KCTD8: variants seen among roughly 807,000 people sequenced by gnomAD.
The protein encoded by KCTD8 is BTB/POZ domain-containing protein KCTD8.
A neutral mutation model predicts 31.5 loss-of-function variants in KCTD8; 27 were observed. The ratio of observed to expected loss-of-function variants is 0.86; its 90% CI spans 0.63 to 1.18. The LOEUF (loss-of-function observed/expected upper bound fraction) is 1.18. Ranked by LOEUF, KCTD8 falls within the 50% of genes most tolerant of loss-of-function variation. KCTD8 has a pLI of 0.00. For synonymous variants in KCTD8, 290 were observed against 280.0 expected (o/e 1.04, Z -0.36); for missense variants, 658 against 647.7 (o/e 1.02, Z -0.17).
At chr4:44,346,756 A>G (rs1268691339) in intron 1 of KCTD8, among the ~76,000 whole-genome samples, 2 of 152,186 alleles carry the variant, frequency 1.3e-5, no homozygotes, top group African/African-American at 2.4e-5. Flanking sequence ...ACACTCATTT[A>G]TAGAGCTTGT....
intron 1 of KCTD8, among the ~76,000 whole-genome samples, chr4:44,186,982 A>G (rs1288945746): frequency 6.6e-6 from 1 of 152,180 alleles, no homozygotes; most frequent in Non-Finnish European, 1.5e-5. Flanking sequence ...AGTGTAACTC[A>G]GCTTGAGGAG....
At chr4:44,210,084 C>T (rs554446036) in intron 1 of KCTD8, among the ~76,000 whole-genome samples, 2 of 152,272 alleles carry the variant, frequency 1.3e-5, no homozygotes, top group South Asian at 2.1e-4. Flanking sequence ...TGAGATCTTC[C>T]TGTTTGAATG....
At chr4:44,271,519 C>T (rs1457558384) in intron 1 of KCTD8, among the ~76,000 whole-genome samples, 1 of 151,974 alleles carries the variant, frequency 6.6e-6, no homozygotes, top group South Asian at 2.1e-4. Flanking sequence ...CCAAAACTGG[C>T]CATAAACAAA....
chr4:44,254,909 A>C lies in KCTD8; in HGVS notation c.962-79659T>G, dbSNP rs1305800949. Among the ~76,000 whole-genome samples, 5 of 151,768 alleles carry C rather than the reference A, an allele frequency of 3.3e-5. No homozygotes were observed. The East Asian group carries it at 9.7e-4, about 30-fold the overall frequency. ...TATCTGGGCTTATTTTTGTGGGAAC[A>C]TTTTATTTATAATTTGGCTGAGGGA... On this transcript the variant is annotated intron_variant, in intron 1 of 1. Coordinates refer to ENST00000360029, the MANE Select transcript of KCTD8 (RefSeq NM_198353.3).
intron 1 of KCTD8, among the ~76,000 whole-genome samples, chr4:44,186,018 A>G (rs1713576332): frequency 6.6e-6 from 1 of 152,206 alleles, no homozygotes; most frequent in African/African-American, 2.4e-5. Context: ...AGGTAAAGAC[A>G]GGCACCCCTG....
chr4:44,300,613 A>C (rs1460331678), intron 1 of KCTD8, among the ~76,000 whole-genome samples: 1 of 152,206 alleles, frequency 6.6e-6, no homozygotes, highest in Admixed American at 6.5e-5. Context: ...TTGCAACAAG[A>C]GAATGTACTG....
At chr4:44,294,316 G>A (rs1246251729) in intron 1 of KCTD8, among the ~76,000 whole-genome samples, 3 of 152,128 alleles carry the variant, frequency 2.0e-5, no homozygotes, top group Non-Finnish European at 4.4e-5. Context: ...TCCTTTGCCC[G>A]CTGGTGCCTA....
At chr4:44,297,701 A>G (rs1028659043) in intron 1 of KCTD8, among the ~76,000 whole-genome samples, 3 of 152,170 alleles carry the variant, frequency 2.0e-5, no homozygotes, top group Non-Finnish European at 4.4e-5. Flanking sequence ...AAATAGAGAT[A>G]TGGTAGGTCT....
intron 1 of KCTD8, among the ~76,000 whole-genome samples, chr4:44,423,137 A>C (rs1721262258): frequency 6.6e-6 from 1 of 152,116 alleles, no homozygotes. Context: ...TGCTACTAGC[A>C]TCTGTTGGCT....
At chr4:44,380,306 C>G (rs1720028394) in intron 1 of KCTD8, among the ~76,000 whole-genome samples, 1 of 151,628 alleles carries the variant, frequency 6.6e-6, no homozygotes. Flanking sequence ...ACTTCTACAA[C>G]CTATTCAAAC....
Position 44,264,762 on chromosome 4 carries a change from A to G in KCTD8, c.962-89512T>C, listed in dbSNP as rs867578698. On this transcript the variant is annotated intron_variant, in intron 1 of 1. Coordinates refer to ENST00000360029, the MANE Select transcript of KCTD8 (RefSeq NM_198353.3). ...CCGCACATGGCTCGGAGGGTCCTAC[A>G]CCCATGGAGTCTTGCTGATTGCTAG... Among the ~76,000 whole-genome samples the G allele has an allele frequency of 2.0e-5, 3 of 152,184 alleles. No homozygotes were observed. In the Middle Eastern group the frequency reaches 0.01, roughly 518 times the overall value.
At chr4:44,269,536 A>G (rs979511037) in intron 1 of KCTD8, among the ~76,000 whole-genome samples, 3 of 151,760 alleles carry the variant, frequency 2.0e-5, no homozygotes, top group African/African-American at 7.3e-5. Context: ...CAAAATTGAC[A>G]AATGGGATCT....
intron 1 of KCTD8, among the ~76,000 whole-genome samples, chr4:44,439,901 T>TA (rs34264017): frequency 3.3e-4 from 1 of 3,036 alleles, no homozygotes; most frequent in South Asian, 0.019. Flanking sequence ...ATCATTTATT[T>TA]TTATTTATTT....
At chr4:44,291,601 A>G (rs1171712019) in intron 1 of KCTD8, among the ~76,000 whole-genome samples, 1 of 152,116 alleles carries the variant, frequency 6.6e-6, no homozygotes, top group Non-Finnish European at 1.5e-5. Context: ...AACAATTACA[A>G]CAAAAACAAA....
chr4:44,382,442 G>A (rs1210515592), intron 1 of KCTD8, among the ~76,000 whole-genome samples: 1 of 151,974 alleles, frequency 6.6e-6, no homozygotes, highest in African/African-American at 2.4e-5. Flanking sequence ...ACTCAAACAA[G>A]ATGGTCGGGC....
At chr4:44,423,508 T>C (rs1363694700) in intron 1 of KCTD8, among the ~76,000 whole-genome samples, 3 of 152,112 alleles carry the variant, frequency 2.0e-5, no homozygotes, top group Admixed American at 2.0e-4. Flanking sequence ...CAATTCTGTC[T>C]GCTTAATAAA....
chr4:44,350,453 G>A (rs1488679652), intron 1 of KCTD8, among the ~76,000 whole-genome samples: 1 of 152,118 alleles, frequency 6.6e-6, no homozygotes, highest in Non-Finnish European at 1.5e-5. Flanking sequence ...CCTATAATAA[G>A]TGGGTCATTA....
chr4:44,272,141 A>ATATATATATATATATATATAT (rs1716631369), intron 1 of KCTD8, among the ~76,000 whole-genome samples: 23 of 149,668 alleles, frequency 1.5e-4, no homozygotes, highest in African/African-American at 5.2e-4. Context: ...ATATATATAT[A>ATATATATATATATATATATAT]AATGCTGAAC....
At chr4:44,263,395 C>A (rs1716241422) in intron 1 of KCTD8, among the ~76,000 whole-genome samples, 1 of 152,074 alleles carries the variant, frequency 6.6e-6, no homozygotes, top group Non-Finnish European at 1.5e-5. Context: ...ATGAGGTTGC[C>A]TCTGGGAGAA....
Sources: gnomAD v4.1 joint callset for allele counts (sites outside exome capture counted in the v4.1 genomes callset) on GRCh38, gnomAD v4.1.1 for gene constraint, MANE v1.5 for transcripts, NCBI Gene and HGNC (gene_info 2026-07-23, HGNC 2026-07-21) for gene names.